Variants in ARHGEF28 observed in about 807,000 individuals in gnomAD.
ARHGEF28 encodes the protein 190 kDa guanine nucleotide exchange factor.
In ARHGEF28, 152 loss-of-function variants were observed where a neutral mutation model predicts 206.6. The observed-to-expected ratio is 0.74, with a 90% CI of 0.64 to 0.84. ARHGEF28 has a LOEUF of 0.84. Ranked by LOEUF, ARHGEF28 falls within the 40% of genes least tolerant of loss-of-function variation. The pLI is 0.00. For missense variants in ARHGEF28, 2,028 were observed against 2,073.2 expected (o/e 0.98, Z 0.42); for synonymous variants, 763 against 776.4 (o/e 0.98, Z 0.29).
chr5:73,934,530 G>A (rs947635485), intron 35 of ARHGEF28, among the ~76,000 whole-genome samples: 2 of 152,166 alleles, frequency 1.3e-5, no homozygotes, highest in East Asian at 3.9e-4. Flanking sequence ...TTCTGAATTT[G>A]GAAAAGCTCA....
intron 4 of ARHGEF28, among the ~76,000 whole-genome samples, chr5:73,771,484 G>A (rs573623367): frequency 1.3e-5 from 2 of 151,826 alleles, no homozygotes; most frequent in East Asian, 1.9e-4. Flanking sequence ...GGAGGCAGAG[G>A]TTGCAGTGAG....
intron 35 of ARHGEF28, among the ~76,000 whole-genome samples, chr5:73,918,770 A>T (rs1306396414): frequency 6.6e-6 from 1 of 152,152 alleles, no homozygotes; most frequent in African/African-American, 2.4e-5. Flanking sequence ...AGATACATGG[A>T]TAGGAATTTG....
intron 2 of ARHGEF28, among the ~76,000 whole-genome samples, chr5:73,738,433 A>G (rs1177043633): frequency 6.6e-6 from 1 of 151,826 alleles, no homozygotes; most frequent in Non-Finnish European, 1.5e-5. Context: ...GTATCTTACA[A>G]TGAGCATTGC....
At chr5:73,649,430 A>G (rs138546331) in intron 1 of ARHGEF28, among the ~76,000 whole-genome samples, 10 of 152,316 alleles carry the variant, frequency 6.6e-5, no homozygotes, top group Non-Finnish European at 1.3e-4. Flanking sequence ...TATCAGACTC[A>G]TTTGTATTCT....
intron 2 of ARHGEF28, among the ~76,000 whole-genome samples, chr5:73,709,588 G>A (rs139417829): frequency 7.2e-5 from 11 of 152,224 alleles, no homozygotes; most frequent in Admixed American, 1.3e-4. Flanking sequence ...AGGAGGTAAC[G>A]GTTGGTCAGC....
intron 4 of ARHGEF28, among the ~76,000 whole-genome samples, chr5:73,760,585 G>A (rs1168862998): frequency 6.6e-6 from 1 of 152,130 alleles, no homozygotes; most frequent in African/African-American, 2.4e-5. Flanking sequence ...TATGGCACTT[G>A]TTATGATGGT....
At chr5:73,732,830 C>T (rs6881117) in intron 2 of ARHGEF28, among the ~76,000 whole-genome samples, 46,438 of 151,860 alleles carry the variant, frequency 0.31, 7,555 homozygotes, top group African/African-American at 0.42. Flanking sequence ...GAAAGCATAG[C>T]GGAAACACAC....
At chr5:73,644,433 C>T (rs541376370) in intron 1 of ARHGEF28, among the ~76,000 whole-genome samples, 11 of 152,312 alleles carry the variant, frequency 7.2e-5, no homozygotes, top group Middle Eastern at 6.8e-3. Context: ...TCTGCTCCCC[C>T]AGCACCATCC....
chr5:73,934,979 CCTT>C (rs1297273724), intron 35 of ARHGEF28, among the ~76,000 whole-genome samples: 1 of 152,156 alleles, frequency 6.6e-6, no homozygotes, highest in African/African-American at 2.4e-5. Context: ...CTAACAGTGG[CCTT>C]CTTCTTGAGG....
intron 2 of ARHGEF28, among the ~76,000 whole-genome samples, chr5:73,729,864 A>G (rs1210223566): frequency 6.6e-6 from 1 of 152,188 alleles, no homozygotes; most frequent in East Asian, 1.9e-4. Flanking sequence ...CTATTGTTTT[A>G]ATCTTGAAAT....
chr5:73,710,782 A>G (rs1749190257), intron 2 of ARHGEF28, among the ~76,000 whole-genome samples: 1 of 152,132 alleles, frequency 6.6e-6, no homozygotes, highest in East Asian at 1.9e-4. Flanking sequence ...GGCTCACTGA[A>G]GCCTCTGCCT....
intron 4 of ARHGEF28, among the ~76,000 whole-genome samples, chr5:73,761,421 G>A (rs1261324228): frequency 5.9e-5 from 9 of 152,234 alleles, no homozygotes; most frequent in South Asian, 4.1e-4. Flanking sequence ...AAATCCCCAC[G>A]ATTGAAAAAG....
At chr5:73,763,547 T>G (rs1004966578) in intron 4 of ARHGEF28, among the ~76,000 whole-genome samples, 1 of 152,112 alleles carries the variant, frequency 6.6e-6, no homozygotes, top group African/African-American at 2.4e-5. Context: ...TAGACTGCAA[T>G]GTATTTTCAT....
chr5:73,742,199 A>T (rs1470234266), intron 2 of ARHGEF28, among the ~76,000 whole-genome samples: 1 of 152,056 alleles, frequency 6.6e-6, no homozygotes, highest in South Asian at 2.1e-4. Context: ...TTTTTAAAGT[A>T]TGTCTCTTGT....
intron 1 of ARHGEF28, among the ~76,000 whole-genome samples, chr5:73,672,918 T>G (rs1241342273): frequency 5.3e-5 from 8 of 152,250 alleles, no homozygotes; most frequent in Non-Finnish European, 1.0e-4. Flanking sequence ...TCAGACTGAC[T>G]GGCTCTCCTT....
chr5:73,873,016 A>G lies in ARHGEF28; in HGVS notation c.2584A>G (p.Met862Val). The G allele has an allele frequency of 1.2e-6, 2 of 1,613,726 alleles. No individual in the cohort carries two copies. The highest frequency in any genetic ancestry group is 1.7e-6 in the Non-Finnish European group (2 of 1,179,734). Reference sequence around the variant, plus strand: ...CATTTCAGAGCTAATGCAAACAGAGATGCATCACATCCAGACCCTGTTCAT... The same window carrying G: ...CATTTCAGAGCTAATGCAAACAGAGGTGCATCACATCCAGACCCTGTTCAT... ...DVIFELMQTE[M>V]HHIQTLFIMS... is the part of the protein sequence containing the mutation. The change falls in exon 22 of 36, where the codon ATG becomes GTG. Residue 862 changes from methionine (M) to valine (V), a missense_variant. By Grantham distance (21) the Met-to-Val change is conservative (BLOSUM62 1). Transcript: ENST00000513042.
At chr5:73,647,322 A>G (rs752281420) in intron 1 of ARHGEF28, among the ~76,000 whole-genome samples, 63 of 152,224 alleles carry the variant, frequency 4.1e-4, no homozygotes, top group Non-Finnish European at 7.6e-4. Flanking sequence ...CTCATTATGT[A>G]TTTGAAAATA....
At chr5:73,830,409 CT>C (rs1233818349) in intron 9 of ARHGEF28, among the ~76,000 whole-genome samples, 2 of 151,884 alleles carry the variant, frequency 1.3e-5, no homozygotes, top group African/African-American at 4.8e-5. Flanking sequence ...AAAAAATTAA[CT>C]GGGTGTGGTG....
intron 2 of ARHGEF28, among the ~76,000 whole-genome samples, chr5:73,734,500 A>G (rs1263678550): frequency 6.6e-6 from 1 of 152,190 alleles, no homozygotes; most frequent in African/African-American, 2.4e-5. Context: ...TTAAAGAGGA[A>G]GGAAGATGAT....
Sources: allele counts gnomAD v4.1 joint callset (sites outside exome capture counted in the v4.1 genomes callset), GRCh38; gene constraint gnomAD v4.1.1; transcripts MANE v1.5; gene names NCBI Gene and HGNC (gene_info 2026-07-23, HGNC 2026-07-21).